The following ZDHHC21 variants were observed in gnomAD, a reference collection of about 807,000 sequenced individuals.
The protein encoded by ZDHHC21 is zDHHC palmitoyltransferase 21.
Under a neutral mutation model 34.6 loss-of-function variants are expected in ZDHHC21, and 15 were observed. The observed-to-expected ratio is 0.43, with a 90% CI of 0.29 to 0.67. ZDHHC21 has a LOEUF of 0.67. Ranked by LOEUF, ZDHHC21 falls within the 30% of genes least tolerant of loss-of-function variation. The pLI is 0.14. For missense variants in ZDHHC21, 344 were observed against 327.7 expected, an observed-to-expected ratio of 1.05 and a Z score of -0.38; for synonymous variants, 142 against 101.8, an observed-to-expected ratio of 1.40 and a Z score of -2.38.
intron 1 of ZDHHC21, among the ~76,000 whole-genome samples, chr9:14,692,607 G>T (rs1193451844): frequency 7.0e-6 from 1 of 142,950 alleles, no homozygotes; most frequent in Non-Finnish European, 1.6e-5. Context: ...TAACTTAAAT[G>T]GACTCTGCAG....
rs1823836858 is a variant in ZDHHC21 at position 14,614,412 on chromosome 9, TAATAAAAGAAGTCAGAA to T, written c.*4537_*4553del. ...TTTGTTGCTAAAAATTGCACAATGA[TAATAAAAGAAGTCAGAA>T]AAGTCACTTTCCTGAAGTTAAACCA... On this transcript the variant is annotated 3_prime_UTR_variant, in exon 10 of 10. Coordinates refer to ENST00000380916, the MANE Select transcript of ZDHHC21 (RefSeq NM_178566.6). 6.6e-6 allele frequency: 1 copy of T among 151,686 alleles called. No homozygotes were observed. Among genetic ancestry groups the T allele is most frequent in the Non-Finnish European group, 1.5e-5 (1 of 67,730 alleles). 9.4% of individuals were successfully genotyped at this position (151,686 alleles called of 1,614,324 possible). A position where few individuals can be genotyped will look rare whatever the true frequency, so the allele number is the denominator to read the frequency against.
chr9:14,592,952 AG>A, the ZDHHC21 span, among the ~76,000 whole-genome samples: 10 of 152,218 alleles, frequency 6.6e-5, no homozygotes, highest in East Asian at 1.7e-3. Flanking sequence ...AAATTAAGAT[AG>A]TTTTAATTGA....
At chr9:14,654,638 G>C (rs746476733) in intron 7 of ZDHHC21, among the ~76,000 whole-genome samples, 6 of 151,938 alleles carry the variant, frequency 3.9e-5, no homozygotes, top group East Asian at 1.9e-4. Flanking sequence ...TGACAAAATA[G>C]ATGATTTCAC....
At chr9:14,647,796 G>C (rs1253375422) in intron 7 of ZDHHC21, among the ~76,000 whole-genome samples, 1 of 152,062 alleles carries the variant, frequency 6.6e-6, no homozygotes, top group Non-Finnish European at 1.5e-5. Context: ...TGAGTGCCTA[G>C]TTTGGTCTTC....
intron 7 of ZDHHC21, among the ~76,000 whole-genome samples, chr9:14,648,317 GTTTT>G (rs34563129): frequency 6.6e-6 from 1 of 151,536 alleles, no homozygotes; most frequent in African/African-American, 2.4e-5. Context: ...TAGCAATCAG[GTTTT>G]TTTTACTAAA....
intron 5 of ZDHHC21, among the ~76,000 whole-genome samples, chr9:14,665,999 T>C (rs1248985308): frequency 6.7e-6 from 1 of 149,172 alleles, no homozygotes; most frequent in East Asian, 2.0e-4. Flanking sequence ...CACATAACAA[T>C]ATTAACTTTA....
chr9:14,600,544 G>C, the ZDHHC21 span, among the ~76,000 whole-genome samples: 2 of 152,256 alleles, frequency 1.3e-5, no homozygotes, highest in East Asian at 3.9e-4. Context: ...TGATGGATAG[G>C]AAGAATCAAT....
chr9:14,600,591 A>G, the ZDHHC21 span, among the ~76,000 whole-genome samples: 7 of 152,226 alleles, frequency 4.6e-5, no homozygotes, highest in Non-Finnish European at 1.0e-4. Context: ...AGTAATTCAT[A>G]GATTCAAGGT....
intron 8 of ZDHHC21, among the ~76,000 whole-genome samples, chr9:14,633,054 TTCTA>T (rs1452974050): frequency 6.6e-6 from 1 of 152,194 alleles, no homozygotes; most frequent in Admixed American, 6.5e-5. Flanking sequence ...GCAATTCCAC[TTCTA>T]TATACCCCAA....
intron 5 of ZDHHC21, among the ~76,000 whole-genome samples, chr9:14,667,276 T>C (rs1204353013): frequency 4.7e-5 from 7 of 147,866 alleles, no homozygotes; most frequent in Admixed American, 1.3e-4. Flanking sequence ...CCTCGACACA[T>C]ACACTCTCCC....
Position 14,639,944 on chromosome 9 carries a change from T to G in ZDHHC21, c.573A>C (p.Leu191Phe). 6.2e-7 allele frequency: 1 copy of G among 1,608,788 alleles called. No individual in the cohort carries two copies. Among genetic ancestry groups the G allele is most frequent in the Non-Finnish European group, 8.5e-7 (1 of 1,176,950 alleles). Residue 191 changes from leucine (L) to phenylalanine (F), a missense_variant, in exon 8 of 10, where the codon TTA (leucine) becomes TTC (phenylalanine). Leu to Phe is a conservative substitution (Grantham distance 22, BLOSUM62 0). Transcript: ENST00000380916. ...TGTAAAAGAGTCCAGTTATTCCAACTAACATAGTAATGCCCATAAAGGCTG... is the reference window on the plus strand; with the variant it reads ...TGTAAAAGAGTCCAGTTATTCCAACGAACATAGTAATGCCCATAAAGGCTG... ...RLAAFMGITM[L>F]VGITGLFYTQ...
chr9:14,662,435 A>C (rs1325383731), intron 5 of ZDHHC21, 109 bp from the exon 6 acceptor site: 19 of 761,316 alleles, frequency 2.5e-5, no homozygotes, highest in Middle Eastern at 3.8e-4. Flanking sequence ...TAAAACTCTA[A>C]GAGATTTTTC....
chr9:14,609,912 C>T (rs535977497), downstream of ZDHHC21, among the ~76,000 whole-genome samples: 1 of 152,150 alleles, frequency 6.6e-6, no homozygotes, highest in South Asian at 2.1e-4. Context: ...TCAGACTTCT[C>T]CAGATACTTC....
intron 5 of ZDHHC21, among the ~76,000 whole-genome samples, chr9:14,662,967 T>G (rs1429792008): frequency 1.3e-5 from 2 of 152,194 alleles, no homozygotes; most frequent in Admixed American, 6.5e-5. Flanking sequence ...ACAACTACTA[T>G]TTTTAATGAA....
chr9:14,604,443 G>T, the ZDHHC21 span, among the ~76,000 whole-genome samples: 1 of 152,022 alleles, frequency 6.6e-6, no homozygotes, highest in Admixed American at 6.6e-5. Flanking sequence ...ATCATTTATG[G>T]ATGCTACATA....
chr9:14,618,892 C>T lies in ZDHHC21; in HGVS notation c.*74G>A. The T allele has an allele frequency of 6.9e-7, 1 of 1,449,148 alleles. No homozygotes were observed. The highest frequency in any genetic ancestry group is 9.2e-7 in the Non-Finnish European group (1 of 1,090,892). The allele number at this position is 1,449,148 out of a possible 1,614,324, so 89.8% of individuals were successfully genotyped here. A position where few individuals can be genotyped will look rare whatever the true frequency, so the allele number is the denominator to read the frequency against. On this transcript the variant is annotated 3_prime_UTR_variant, in exon 10 of 10. Transcript: ENST00000380916. ...GGATTTTAATTGACTTGAAGACTGT[C>T]ATAGTTCTATTATCATAAAACCTGT... is the stretch of plus-strand genomic sequence containing the variant.
intron 2 of ZDHHC21, among the ~76,000 whole-genome samples, chr9:14,688,023 T>C (rs1289517542): frequency 2.0e-5 from 3 of 151,020 alleles, no homozygotes; most frequent in African/African-American, 5.0e-5. Flanking sequence ...GTGTGGCAGT[T>C]AAATAATTCT....
intron 5 of ZDHHC21, among the ~76,000 whole-genome samples, chr9:14,668,307 C>G (rs1256007392): frequency 1.6e-5 from 2 of 121,246 alleles, no homozygotes; most frequent in Non-Finnish European, 3.4e-5. Flanking sequence ...ATGTGAAGGA[C>G]CTCTTCAAGG....
chr9:14,650,685 C>G (rs574836173), intron 7 of ZDHHC21, among the ~76,000 whole-genome samples: 101 of 152,032 alleles, frequency 6.6e-4, no homozygotes, highest in African/African-American at 2.4e-3. Flanking sequence ...AGCCAAAAGG[C>G]TAGGCAAATA....
Sources: allele counts gnomAD v4.1 joint callset (sites outside exome capture counted in the v4.1 genomes callset), GRCh38; gene constraint gnomAD v4.1.1; transcripts MANE v1.5; gene names NCBI Gene and HGNC (gene_info 2026-07-23, HGNC 2026-07-21).